Variants in ADK observed in about 807,000 individuals in gnomAD.
ADK encodes the protein adenosine kinase, also known as N6,N6-dimethyladenosine kinase.
A neutral mutation model predicts 44.7 loss-of-function variants in ADK; 24 were observed. The observed-to-expected ratio is 0.54, with a 90% CI of 0.39 to 0.76. ADK has a LOEUF of 0.76. Ranked by LOEUF, ADK falls within the 30% of genes least tolerant of loss-of-function variation. The probability of loss-of-function intolerance (pLI) is 0.00; values close to 1 mark genes in which losing one functional copy is unlikely to be tolerated. For missense variants in ADK, 321 were observed against 425.1 expected (o/e 0.76, Z 2.15); for synonymous variants, 128 against 142.6 (o/e 0.90, Z 0.73).
At chr10:74,409,644 A>C (rs566941216) in intron 6 of ADK, among the ~76,000 whole-genome samples, 1 of 152,220 alleles carries the variant, frequency 6.6e-6, no homozygotes, top group African/African-American at 2.4e-5. Context: ...TTTTCGGTCT[A>C]GAATTTTACT....
At chr10:74,690,471 G>A (rs1220504020) in intron 10 of ADK, among the ~76,000 whole-genome samples, 1 of 152,194 alleles carries the variant, frequency 6.6e-6, no homozygotes, top group Non-Finnish European at 1.5e-5. Flanking sequence ...TCTCCAACCT[G>A]GGTGATAGAA....
chr10:74,566,304 T>C (rs1446312653), intron 7 of ADK, among the ~76,000 whole-genome samples: 1 of 145,168 alleles, frequency 6.9e-6, no homozygotes, highest in East Asian at 2.2e-4. Flanking sequence ...ACTCCTGGGC[T>C]CAAGTAATCC....
At chr10:74,612,921 A>C (rs1009057651) in intron 9 of ADK, among the ~76,000 whole-genome samples, 1 of 152,038 alleles carries the variant, frequency 6.6e-6, no homozygotes, top group South Asian at 2.1e-4. Flanking sequence ...GACTTTGTTT[A>C]AGATCAGTTG....
At chr10:74,317,260 A>T (rs1354971586) in intron 4 of ADK, among the ~76,000 whole-genome samples, 2 of 152,216 alleles carry the variant, frequency 1.3e-5, no homozygotes, top group Non-Finnish European at 2.9e-5. Context: ...TCCTAATGAA[A>T]GTGAAAAGTT....
chr10:74,609,239 G>A (rs1404412565), intron 9 of ADK, among the ~76,000 whole-genome samples: 1 of 152,158 alleles, frequency 6.6e-6, no homozygotes, highest in Non-Finnish European at 1.5e-5. Flanking sequence ...CTTTCCAGGG[G>A]AGTGAACAGT....
At chr10:74,232,478 C>T (rs150756396) in intron 3 of ADK, among the ~76,000 whole-genome samples, 78 of 150,694 alleles carry the variant, frequency 5.2e-4, no homozygotes, top group African/African-American at 1.8e-3. Flanking sequence ...GCAAAGATTG[C>T]ACAACTGCAC....
intron 4 of ADK, among the ~76,000 whole-genome samples, chr10:74,347,321 T>C (rs1403761997): frequency 1.3e-5 from 2 of 150,572 alleles, no homozygotes; most frequent in Admixed American, 1.3e-4. Flanking sequence ...ACCTGGGAGG[T>C]GCAAGGAGCT....
chr10:74,274,747 T>TATATATAC (rs532758145), intron 3 of ADK, among the ~76,000 whole-genome samples: 2 of 95,344 alleles, frequency 2.1e-5, no homozygotes, highest in African/African-American at 7.2e-5. Context: ...TATATATATA[T>TATATATAC]ACACACACAC....
intron 6 of ADK, among the ~76,000 whole-genome samples, chr10:74,476,702 G>T (rs984809786): frequency 5.9e-5 from 9 of 152,070 alleles, no homozygotes; most frequent in African/African-American, 2.2e-4. Context: ...ATCACAGTTT[G>T]CATTCCATCT....
At chr10:74,247,224 G>GT (rs142274121) in intron 3 of ADK, among the ~76,000 whole-genome samples, 2,086 of 71,972 alleles carry the variant, frequency 0.029, 192 homozygotes, top group African/African-American at 0.047. Context: ...TTTTTTTTAA[G>GT]TTTTTTTTTT....
chr10:74,546,819 A>G (rs1849834265), intron 7 of ADK, among the ~76,000 whole-genome samples: 1 of 152,122 alleles, frequency 6.6e-6, no homozygotes, highest in African/African-American at 2.4e-5. Flanking sequence ...CAAAATTGAC[A>G]AAGATTCATG....
At chr10:74,681,458 GT>G (rs1386708946) in intron 10 of ADK, among the ~76,000 whole-genome samples, 1 of 152,182 alleles carries the variant, frequency 6.6e-6, no homozygotes, top group African/African-American at 2.4e-5. Context: ...GGTAAGATGA[GT>G]TGTCCAAGGG....
intron 6 of ADK, among the ~76,000 whole-genome samples, chr10:74,520,087 C>G (rs996601324): frequency 1.3e-5 from 2 of 151,914 alleles, no homozygotes; most frequent in African/African-American, 4.8e-5. Context: ...AACTAAATTA[C>G]AAGTTCTTAA....
At chr10:74,370,349 C>T (rs1168592626) in intron 4 of ADK, among the ~76,000 whole-genome samples, 1 of 152,210 alleles carries the variant, frequency 6.6e-6, no homozygotes, top group South Asian at 2.1e-4. Flanking sequence ...TCTGAACTCA[C>T]CTCAATTTTT....
At chr10:74,183,379 C>T (rs1205761688) in intron 1 of ADK, among the ~76,000 whole-genome samples, 2 of 152,126 alleles carry the variant, frequency 1.3e-5, no homozygotes, top group East Asian at 3.9e-4. Context: ...TCAAGGCCAG[C>T]CTGGGCAATA....
chr10:74,159,295 G>C (rs553593329), intron 1 of ADK, among the ~76,000 whole-genome samples: 2 of 152,190 alleles, frequency 1.3e-5, no homozygotes. Context: ...CTTGCCTTCT[G>C]TAGGCACAAC....
chr10:74,282,221 G>A (rs148537246), intron 3 of ADK, among the ~76,000 whole-genome samples: 8 of 152,182 alleles, frequency 5.3e-5, no homozygotes, highest in East Asian at 3.9e-4. Context: ...TTAAAGTAAT[G>A]TTACCAAAAA....
intron 4 of ADK, among the ~76,000 whole-genome samples, chr10:74,375,899 G>A (rs999648803): frequency 1.3e-5 from 2 of 151,838 alleles, no homozygotes; most frequent in East Asian, 1.9e-4. Context: ...CATTTGTGTG[G>A]GGTTTTTGTT....
chr10:74,339,797 A>G (rs1564662420), intron 4 of ADK, among the ~76,000 whole-genome samples: 1 of 152,246 alleles, frequency 6.6e-6, no homozygotes, highest in Admixed American at 6.5e-5. Flanking sequence ...CTGGTGGAAG[A>G]AGAATCACTC....
Sources: gnomAD v4.1 joint callset for allele counts (sites outside exome capture counted in the v4.1 genomes callset) on GRCh38, gnomAD v4.1.1 for gene constraint, MANE v1.5 for transcripts, NCBI Gene and HGNC (gene_info 2026-07-23, HGNC 2026-07-21) for gene names.